The following CEP78 variants were observed in gnomAD, a reference collection of about 807,000 sequenced individuals.
CEP78 encodes centrosomal protein of 78 kDa.
CEP78 carries 76 observed loss-of-function variants against 81.2 expected under a neutral mutation model. That is an observed-to-expected ratio of 0.94 (90% CI 0.78 to 1.13). The LOEUF (loss-of-function observed/expected upper bound fraction) is 1.13. Among genes scored for constraint, CEP78 ranks in the 50% most tolerant of loss-of-function variants. The pLI, the probability that CEP78 is intolerant of heterozygous loss-of-function variation, is 0.00. For synonymous variants in CEP78, 293 were observed against 301.4 expected (o/e 0.97, Z 0.29); for missense variants, 918 against 846.8 (o/e 1.08, Z -1.04).
At chr9:78,255,938 A>G (rs1400634342) in intron 11 of CEP78, among the ~76,000 whole-genome samples, 1 of 152,202 alleles carries the variant, frequency 6.6e-6, no homozygotes, top group Non-Finnish European at 1.5e-5. Flanking sequence ...GGAGACCAAG[A>G]AGGTTAGGAA....
At position 78,253,283 on chromosome 9, in the gene CEP78, TA is replaced by T; in HGVS notation, c.1251+7del. 1 of 1,283,450 alleles carries T rather than the reference TA, an allele frequency of 7.8e-7. No homozygotes were observed. Among genetic ancestry groups the T allele is most frequent in the East Asian group, 2.4e-5 (1 of 42,290 alleles). The allele number at this position is 1,283,450 out of a possible 1,614,324, so 79.5% of individuals were successfully genotyped here. Reference sequence around the variant, plus strand: ...ATATATGTAATCAGTTGCAGGTACGTAGTTACCATGTTTATAATATGTAGGG... The same window carrying T: ...ATATATGTAATCAGTTGCAGGTACGTGTTACCATGTTTATAATATGTAGGG... On this transcript the variant is annotated splice_region_variant and intron_variant, in intron 10 of 16. Coordinates refer to ENST00000643273, the MANE Select transcript of CEP78 (RefSeq NM_001330691.3).
intron 1 of CEP78, 138 bp from the exon 2 acceptor site, chr9:78,239,884 TG>T: frequency 1.6e-6 from 1 of 642,002 alleles, no homozygotes; most frequent in East Asian, 3.0e-5. Flanking sequence ...ATATCCCATG[TG>T]GCTTGAGTTT....
chr9:78,266,802 G>A, intron 16 of CEP78, 99 bp downstream of exon 16: 1 of 1,519,684 alleles, frequency 6.6e-7, no homozygotes, highest in Non-Finnish European at 8.8e-7. Context: ...AGAAACTAGG[G>A]AAACTAGTTC....
intron 14 of CEP78, 74 bp from the exon 15 acceptor site, chr9:78,265,785 A>C (rs956759264): frequency 8.4e-6 from 7 of 837,120 alleles, no homozygotes; most frequent in Middle Eastern, 4.6e-4. Flanking sequence ...TCCTCAGTGA[A>C]GAAATGAAAG....
chr9:78,260,438 T>C (rs893001997), intron 11 of CEP78, among the ~76,000 whole-genome samples: 2 of 152,204 alleles, frequency 1.3e-5, no homozygotes, highest in African/African-American at 4.8e-5. Context: ...CCAGGTGCGG[T>C]GGCTCACGCC....
intron 8 of CEP78, chr9:78,250,490 G>C (rs1826704976): frequency 3.5e-6 from 1 of 284,040 alleles, no homozygotes; most frequent in Admixed American, 5.2e-5. Flanking sequence ...TGTAATCCCA[G>C]CACTTTGGGA....
intron 10 of CEP78, chr9:78,254,422 C>A (rs1826913141): frequency 6.6e-6 from 1 of 152,336 alleles, no homozygotes; most frequent in African/African-American, 2.4e-5. Flanking sequence ...TGAATTTTTT[C>A]TCCTAAAAAT....
chr9:78,278,143 GTTGT>G lies in CEP78; in HGVS notation c.*7296_*7299del, dbSNP rs1162814445. On this transcript the variant is annotated 3_prime_UTR_variant, in exon 17 of 17. Coordinates refer to ENST00000643273, the MANE Select transcript of CEP78 (RefSeq NM_001330691.3). ...CACATTTTACTCCATTTAATTCTAG[GTTGT>G]TTGGTTTAAAAAAAAAGTTTTTATG... 1.3e-5 allele frequency: 2 copies of G among 152,022 alleles called. No individual in the cohort carries two copies. Among genetic ancestry groups the G allele is most frequent in the African/African-American group, 4.8e-5 (2 of 41,464 alleles). 9.4% of individuals were successfully genotyped at this position (152,022 alleles called of 1,614,324 possible). A position where few individuals can be genotyped will look rare whatever the true frequency, so the allele number is the denominator to read the frequency against.
intron 12 of CEP78, 100 bp from the exon 13 acceptor site, chr9:78,264,050 A>T (rs1827397341): frequency 1.1e-6 from 1 of 877,924 alleles, no homozygotes; most frequent in Non-Finnish European, 1.6e-6. Flanking sequence ...TTAACTGCAA[A>T]TTAATTACAT....
rs180701282 is a variant in CEP78, at chr9:78,271,175, C to A, written c.*324C>A. The A allele has an allele frequency of 2.8e-4, 58 of 208,836 alleles. No homozygotes were observed. In the East Asian group the frequency reaches 5.1e-3, roughly 18 times the overall value. The allele number at this position is 208,836 out of a possible 1,614,324, so 12.9% of individuals were successfully genotyped here. On this transcript the variant is annotated 3_prime_UTR_variant, in exon 17 of 17. Transcript: ENST00000643273. ...TCTAACTATGATGACCTGCCACTTCCGTTTATAATCACCATATAAGTGCCT... is the reference window on the plus strand; with the variant it reads ...TCTAACTATGATGACCTGCCACTTCAGTTTATAATCACCATATAAGTGCCT...
rs1382641453 is a variant in CEP78 at position 78,236,405 on chromosome 9, T to C, written c.55T>C (p.Tyr19His). 23 of 1,597,488 alleles carry C rather than the reference T, an allele frequency of 1.4e-5. No homozygotes were observed. The highest frequency in any genetic ancestry group is 2.0e-5 in the Non-Finnish European group (23 of 1,172,794). ...RDSAADFFSH[Y>H]EYLCALQNSV... ...CAGCGCGGCGGACTTCTTCTCCCAC[T>C]ACGAGTACCTGTGCGCGCTGCAGAA... Residue 19 changes from tyrosine to histidine, a missense_variant, in exon 1 of 17, where the codon TAC becomes CAC. Coordinates refer to ENST00000643273, the MANE Select transcript of CEP78 (RefSeq NM_001330691.3).
rs1340049522 is a variant in CEP78 at position 78,241,750 on chromosome 9, G to A, written c.554G>A (p.Gly185Glu). The part of the protein sequence containing the change: ...SITLKTVNFT[G>E]CNLTWQGADH... ...ACTCTTAAGACAGTCAACTTCACAG[G>A]ATGTAATCTGACATGGCAGGGAGCA... is the stretch of plus-strand genomic sequence containing the variant. Residue 185 changes from glycine (G) to glutamate (E), a missense_variant, in exon 4 of 17, where the codon GGA (glycine) becomes GAA (glutamate). Physicochemically the swap from Gly to Glu is moderately conservative, Grantham distance 98. Transcript: ENST00000643273. 3 of 1,610,822 alleles carry A rather than the reference G, an allele frequency of 1.9e-6. No individual in the cohort carries two copies. In the African/African-American group the frequency reaches 4.0e-5, roughly 22 times the overall value.
chr9:78,272,782 A>G lies in CEP78; in HGVS notation c.*1931A>G, dbSNP rs74484873. 2 of 152,204 alleles carry G rather than the reference A, an allele frequency of 1.3e-5. No homozygotes were observed. Among genetic ancestry groups the G allele is most frequent in the East Asian group, 1.9e-4 (1 of 5,192 alleles). 9.4% of individuals were successfully genotyped at this position (152,204 alleles called of 1,614,324 possible). Reference sequence around the variant, plus strand: ...GGCTAGAGGCCCCTATTCAACATCAACCTCAATCTGGAAGCGAGGCTGGTG... The same window carrying G: ...GGCTAGAGGCCCCTATTCAACATCAGCCTCAATCTGGAAGCGAGGCTGGTG... On this transcript the variant is annotated 3_prime_UTR_variant, in exon 17 of 17. Coordinates refer to ENST00000643273, the MANE Select transcript of CEP78 (RefSeq NM_001330691.3).
rs1827677929 is a variant in CEP78, at chr9:78,270,993, A to G, written c.*142A>G. ...ATGGAACAGCTAAGCCATTCCACTC[A>G]TCTTTGGAGCATCTGATTCTGGAGT... is the stretch of plus-strand genomic sequence containing the variant. On this transcript the variant is annotated 3_prime_UTR_variant, in exon 17 of 17. Transcript: ENST00000643273. The G allele has an allele frequency of 2.0e-5, 10 of 499,230 alleles. No individual in the cohort carries two copies. In the East Asian group the frequency reaches 3.4e-4, roughly 17 times the overall value. The allele number at this position is 499,230 out of a possible 1,614,324, so 30.9% of individuals were successfully genotyped here.
chr9:78,236,765 T>C (rs1325952208), intron 1 of CEP78, 162 bp downstream of exon 1: 41 of 870,622 alleles, frequency 4.7e-5, no homozygotes, highest in Non-Finnish European at 6.0e-5. Context: ...TTCAGTGTGC[T>C]CATCCGTAAC....
intron 11 of CEP78, among the ~76,000 whole-genome samples, chr9:78,257,415 G>T (rs978295831): frequency 6.6e-6 from 1 of 152,144 alleles, no homozygotes; most frequent in African/African-American, 2.4e-5. Flanking sequence ...CTTGTTATTT[G>T]AAAACATAGT....
Position 78,277,109 on chromosome 9 carries a change from G to GTTC in CEP78, c.*6258_*6259insTTC. On this transcript the variant is annotated 3_prime_UTR_variant, in exon 17 of 17. Transcript: ENST00000643273. The stretch of plus-strand genomic sequence containing the variant: ...GAAGGGTTTGAACTATTCAGTAAAT[G>GTTC]ATGTTGAGGTTATTTACTACTTTTT... 6.6e-6 allele frequency: 1 copy of GTTC among 151,988 alleles called. No individual in the cohort carries two copies. The highest frequency in any genetic ancestry group is 2.4e-5 in the African/African-American group (1 of 41,376). 9.4% of individuals were successfully genotyped at this position (151,988 alleles called of 1,614,324 possible).
intron 1 of CEP78, among the ~76,000 whole-genome samples, 152 bp from the exon 2 acceptor site, chr9:78,239,871 G>C (rs1158628129): frequency 6.6e-6 from 1 of 152,118 alleles, no homozygotes; most frequent in Non-Finnish European, 1.5e-5. Context: ...TACATAGTTT[G>C]GTATATCCCA....
In CEP78 at chr9:78,240,159, A is replaced by G. The variant is rs1300646536; in HGVS notation, c.390A>G (p.Leu130=). 6.3e-7 allele frequency: 1 copy of G among 1,599,134 alleles called. No homozygotes were observed. ...SVLKNLELNG[L]ILRERDLTIL... is the part of the protein sequence containing the mutation. ...TAAAGAACCTGGAGCTAAATGGACT[A>G]ATTCTGAGAGAGAGGGATTTAACTA... Residue 130 remains leucine (L), a synonymous_variant, in exon 2 of 17, where the codon CTA becomes CTG. Coordinates refer to ENST00000643273, the MANE Select transcript of CEP78 (RefSeq NM_001330691.3).
Sources: gnomAD v4.1 joint callset for allele counts (sites outside exome capture counted in the v4.1 genomes callset) on GRCh38, gnomAD v4.1.1 for gene constraint, MANE v1.5 for transcripts, NCBI Gene and HGNC (gene_info 2026-07-23, HGNC 2026-07-21) for gene names.